NBAS: variants seen among roughly 807,000 people sequenced by gnomAD.
NBAS encodes the protein NBAS subunit of NRZ tethering complex, also known as NAG/BC035112 fusion.
Under a neutral mutation model 302.5 loss-of-function variants are expected in NBAS, and 219 were observed. That is an observed-to-expected ratio of 0.72 (90% CI 0.65 to 0.81). The LOEUF (loss-of-function observed/expected upper bound fraction) is 0.81, where lower values mean the gene tolerates loss of function less well. Among genes scored for constraint, NBAS ranks in the 30% least tolerant of loss-of-function variants. The pLI is 0.00. For missense variants in NBAS, 2,932 were observed against 2,841.6 expected, an observed-to-expected ratio of 1.03 and a Z score of -0.72; for synonymous variants, 1,118 against 1,021.6, an observed-to-expected ratio of 1.09 and a Z score of -1.80.
chr2:15,339,211 G>A (rs1469334127), intron 35 of NBAS, among the ~76,000 whole-genome samples: 1 of 151,946 alleles, frequency 6.6e-6, no homozygotes, highest in East Asian at 1.9e-4. Context: ...TTGGGTTCTA[G>A]ATGAACCCAC....
chr2:14,937,779 T>C, the NBAS span, among the ~76,000 whole-genome samples: 1 of 152,120 alleles, frequency 6.6e-6, no homozygotes. Flanking sequence ...AGAAGTGGGA[T>C]CTTGGGCAGT....
intron 48 of NBAS, among the ~76,000 whole-genome samples, chr2:15,204,038 G>A (rs1468819523): frequency 6.6e-6 from 1 of 152,008 alleles, no homozygotes; most frequent in Non-Finnish European, 1.5e-5. Flanking sequence ...GGGGCAGCAG[G>A]ACTGCTTGAA....
chr2:15,381,714 G>A (rs1430555306), intron 29 of NBAS, among the ~76,000 whole-genome samples: 3 of 152,166 alleles, frequency 2.0e-5, no homozygotes, highest in African/African-American at 7.2e-5. Flanking sequence ...TTGGTTTCAG[G>A]TTTTGCTTTA....
rs1413570789 is a variant in NBAS at position 15,218,677 on chromosome 2, C to T, written c.6432+96G>A. 1.5e-5 allele frequency: 23 copies of T among 1,534,750 alleles called. No homozygotes were observed. The East Asian group carries it at 4.5e-4, about 30-fold the overall frequency. On this transcript the variant is annotated intron_variant, in intron 48 of 51. Coordinates refer to ENST00000281513, the MANE Select transcript of NBAS (RefSeq NM_015909.4). ...TCCTGGCCTCAGGTGATCCTCCCAC[C>T]TTGGCCTCCCACAATGCTGGGATTA...
At chr2:15,192,856 T>A (rs1384174239) in intron 48 of NBAS, among the ~76,000 whole-genome samples, 2 of 152,190 alleles carry the variant, frequency 1.3e-5, no homozygotes, top group African/African-American at 4.8e-5. Context: ...TTATCAAATG[T>A]ACACTTTATA....
chr2:14,807,517 G>T, the NBAS span, among the ~76,000 whole-genome samples: 1 of 151,690 alleles, frequency 6.6e-6, no homozygotes, highest in Non-Finnish European at 1.5e-5. Flanking sequence ...TCCCCTGTTG[G>T]GCTCAGAGGC....
the NBAS span, among the ~76,000 whole-genome samples, chr2:15,151,664 A>C: frequency 6.6e-6 from 1 of 152,196 alleles, no homozygotes; most frequent in Non-Finnish European, 1.5e-5. Context: ...GTAAGAAATT[A>C]ACAGATAAGG....
chr2:14,847,394 A>AAG, the NBAS span, among the ~76,000 whole-genome samples: 1 of 150,174 alleles, frequency 6.7e-6, no homozygotes, highest in Non-Finnish European at 1.5e-5. Context: ...AAAAAAAAAA[A>AAG]AAAAAAAAAA....
Position 15,402,227 on chromosome 2 carries a change from T to G in NBAS, c.3012A>C (p.Arg1004=), listed in dbSNP as rs2148429615. The change falls in exon 26 of 52, where the codon CGA becomes CGC. Residue 1004 remains arginine (R), a synonymous_variant. Coordinates refer to ENST00000281513, the MANE Select transcript of NBAS (RefSeq NM_015909.4). The part of the protein sequence containing the change: ...IALECIYTCE[R]NDQLCLCYDL... ...CATAGCAAAGACAGAGTTGATCATT[T>G]CGTTCACAGGTATAGATGCACTCTA... 6.2e-7 allele frequency: 1 copy of G among 1,613,722 alleles called. No individual in the cohort carries two copies. The highest frequency in any genetic ancestry group is 8.5e-7 in the Non-Finnish European group (1 of 1,179,724).
At chr2:15,234,799 T>G (rs1343032076) in intron 45 of NBAS, 52 bp from the exon 46 acceptor site, 5 of 1,556,278 alleles carry the variant, frequency 3.2e-6, no homozygotes, top group Non-Finnish European at 4.4e-6. Context: ...ATTAAATGTA[T>G]CTACATGCAC....
intron 51 of NBAS, among the ~76,000 whole-genome samples, chr2:15,170,044 T>C (rs1024411053): frequency 3.3e-5 from 5 of 152,210 alleles, no homozygotes; most frequent in East Asian, 3.8e-4. Context: ...TGCAGGGCAA[T>C]ACTTTCTTTG....
chr2:15,175,257 G>A (rs1437506306), intron 51 of NBAS, among the ~76,000 whole-genome samples: 4 of 152,110 alleles, frequency 2.6e-5, no homozygotes, highest in Admixed American at 2.6e-4. Flanking sequence ...GAGCCACCGT[G>A]CCCGGCCAAC....
chr2:15,264,893 G>A (rs115726233), intron 44 of NBAS, among the ~76,000 whole-genome samples: 1,982 of 152,278 alleles, frequency 0.013, 38 homozygotes, highest in African/African-American at 0.044. Flanking sequence ...TGCAGCCTGA[G>A]TGCCTAGGAC....
the NBAS span, among the ~76,000 whole-genome samples, chr2:14,848,492 G>T: frequency 6.9e-6 from 1 of 144,158 alleles, no homozygotes; most frequent in Non-Finnish European, 1.5e-5. Flanking sequence ...CGGCAGCGAG[G>T]CTGGGGGAGG....
the NBAS span, among the ~76,000 whole-genome samples, chr2:15,138,979 T>A: frequency 6.6e-6 from 1 of 152,022 alleles, no homozygotes; most frequent in African/African-American, 2.4e-5. Context: ...GTCAAACACA[T>A]TTTTTTTACA....
chr2:15,506,253 GA>G (rs1178807126), intron 10 of NBAS, among the ~76,000 whole-genome samples: 2 of 151,324 alleles, frequency 1.3e-5, no homozygotes, highest in Admixed American at 6.6e-5. Context: ...ACAGAAAATG[GA>G]AAAAATAGAA....
intron 45 of NBAS, among the ~76,000 whole-genome samples, chr2:15,235,222 G>A (rs541585247): frequency 3.3e-4 from 50 of 152,004 alleles, no homozygotes; most frequent in African/African-American, 9.4e-4. Context: ...GTAATAACCC[G>A]GCAAGTATTT....
intron 25 of NBAS, among the ~76,000 whole-genome samples, chr2:15,413,913 G>A (rs1194882046): frequency 6.6e-6 from 1 of 152,126 alleles, no homozygotes; most frequent in African/African-American, 2.4e-5. Context: ...TGTTCAAAAG[G>A]CACACGCTAA....
intron 32 of NBAS, among the ~76,000 whole-genome samples, chr2:15,361,210 T>A (rs1038829903): frequency 6.6e-6 from 1 of 152,150 alleles, no homozygotes; most frequent in Non-Finnish European, 1.5e-5. Context: ...GACTGTAAAT[T>A]CTCAATTAAA....
Sources: allele counts gnomAD v4.1 joint callset (sites outside exome capture counted in the v4.1 genomes callset), GRCh38; gene constraint gnomAD v4.1.1; transcripts MANE v1.5; gene names NCBI Gene and HGNC (gene_info 2026-07-23, HGNC 2026-07-21).